Variants in TTC28 observed in about 807,000 individuals in gnomAD.
TTC28 encodes tetratricopeptide repeat protein 28.
TTC28 carries 61 observed loss-of-function variants against 198.0 expected under a neutral mutation model. The ratio of observed to expected loss-of-function variants is 0.31; its 90% CI spans 0.25 to 0.38. The LOEUF (loss-of-function observed/expected upper bound fraction) is 0.38, where lower values mean the gene tolerates loss of function less well. TTC28 is among the 10% of genes least tolerant of loss of function. The pLI is 1.00. For missense variants in TTC28, 2,678 were observed against 3,164.0 expected (o/e 0.85, Z 3.69); for synonymous variants, 1,171 against 1,297.8 (o/e 0.90, Z 2.10).
intron 2 of TTC28, among the ~76,000 whole-genome samples, chr22:28,356,461 AG>A (rs1897136816): frequency 6.6e-6 from 1 of 152,232 alleles, no homozygotes; most frequent in South Asian, 2.1e-4. Flanking sequence ...AATGAAAATG[AG>A]GGGCTTCTTG....
intron 2 of TTC28, among the ~76,000 whole-genome samples, chr22:28,314,026 A>C (rs1228606774): frequency 6.6e-6 from 1 of 152,216 alleles, no homozygotes; most frequent in Non-Finnish European, 1.5e-5. Context: ...TCAGGATACA[A>C]AACCAATGTG....
chr22:28,243,001 C>A (rs11913491), intron 5 of TTC28, among the ~76,000 whole-genome samples: 3 of 149,614 alleles, frequency 2.0e-5, no homozygotes, highest in African/African-American at 7.4e-5. Context: ...AAAAATCAAT[C>A]TGACAGAGTC....
chr22:27,996,607 G>A (rs1449392016), intron 16 of TTC28, among the ~76,000 whole-genome samples: 1 of 152,170 alleles, frequency 6.6e-6, no homozygotes, highest in Non-Finnish European at 1.5e-5. Flanking sequence ...CGTCAGGGGA[G>A]GGGAGGTGTG....
chr22:28,494,578 C>T (rs1056135552), intron 2 of TTC28, among the ~76,000 whole-genome samples: 3 of 152,130 alleles, frequency 2.0e-5, no homozygotes, highest in Non-Finnish European at 2.9e-5. Flanking sequence ...GCCTTGCTTC[C>T]TTGTTCATCC....
intron 5 of TTC28, among the ~76,000 whole-genome samples, chr22:28,182,944 C>CTT (rs1923844005): frequency 1.3e-5 from 2 of 152,046 alleles, no homozygotes; most frequent in Non-Finnish European, 2.9e-5. Context: ...TGAAGTTGGA[C>CTT]TAGGATCTAC....
chr22:28,359,043 A>G (rs1281014148), intron 2 of TTC28, among the ~76,000 whole-genome samples: 1 of 152,224 alleles, frequency 6.6e-6, no homozygotes, highest in Non-Finnish European at 1.5e-5. Context: ...TTCCTAAGAT[A>G]TCACTAGTAA....
chr22:28,283,264 T>G (rs188219854), intron 5 of TTC28, among the ~76,000 whole-genome samples: 17 of 152,254 alleles, frequency 1.1e-4, no homozygotes, highest in Admixed American at 1.0e-3. Flanking sequence ...TTTTACCTTT[T>G]AACCCACTCT....
intron 12 of TTC28, among the ~76,000 whole-genome samples, chr22:28,067,039 T>A (rs1940783211): frequency 1.3e-5 from 2 of 152,196 alleles, no homozygotes; most frequent in South Asian, 4.1e-4. Flanking sequence ...TCCACCTCTG[T>A]GTGCCTGTGG....
intron 1 of TTC28, among the ~76,000 whole-genome samples, chr22:28,635,925 G>A (rs2094253693): frequency 6.6e-6 from 1 of 151,848 alleles, no homozygotes; most frequent in African/African-American, 2.4e-5. Context: ...TATAGCTGAA[G>A]ATTTGTACCC....
chr22:28,498,556 A>G (rs1433190978), intron 2 of TTC28, among the ~76,000 whole-genome samples: 2 of 152,192 alleles, frequency 1.3e-5, no homozygotes, highest in Non-Finnish European at 2.9e-5. Context: ...TTCACTTGAA[A>G]TGATACTCAA....
chr22:28,377,245 T>C (rs890496726), intron 2 of TTC28, among the ~76,000 whole-genome samples: 3 of 142,204 alleles, frequency 2.1e-5, no homozygotes, highest in Non-Finnish European at 4.6e-5. Context: ...TAGGACATAA[T>C]ATATTCTAAA....
At chr22:28,412,683 AGTTT>A (rs2047100236) in intron 2 of TTC28, among the ~76,000 whole-genome samples, 1 of 152,186 alleles carries the variant, frequency 6.6e-6, no homozygotes, top group Admixed American at 6.5e-5. Flanking sequence ...CTGCTCTCAA[AGTTT>A]GTTAGTGTAC....
intron 2 of TTC28, among the ~76,000 whole-genome samples, chr22:28,368,016 TC>T (rs1315999945): frequency 1.8e-4 from 27 of 152,028 alleles, no homozygotes; most frequent in African/African-American, 6.3e-4. Context: ...ATCAAACTGT[TC>T]CTAAAAATAG....
chr22:28,197,894 C>A (rs190733839), intron 5 of TTC28, among the ~76,000 whole-genome samples: 3 of 152,102 alleles, frequency 2.0e-5, no homozygotes, highest in African/African-American at 7.2e-5. Flanking sequence ...ACCCATCAAA[C>A]ATATGGAAAA....
chr22:28,529,735 T>C (rs989012980), intron 2 of TTC28, among the ~76,000 whole-genome samples: 12 of 152,144 alleles, frequency 7.9e-5, no homozygotes, highest in African/African-American at 9.7e-5. Context: ...CAGCAACATT[T>C]GCCATTCTGC....
intron 7 of TTC28, 49 bp from the exon 8 acceptor site, chr22:28,105,851 A>C (rs1210178539): frequency 6.7e-7 from 1 of 1,492,272 alleles, no homozygotes; most frequent in Non-Finnish European, 8.9e-7. Context: ...ATGCAGGTGC[A>C]GACATGCTAA....
At chr22:28,604,004 G>A (rs996932298) in intron 2 of TTC28, among the ~76,000 whole-genome samples, 2 of 152,020 alleles carry the variant, frequency 1.3e-5, no homozygotes, top group Non-Finnish European at 2.9e-5. Flanking sequence ...TTGGCCGGGT[G>A]TGGTGGCACA....
intron 6 of TTC28, among the ~76,000 whole-genome samples, chr22:28,155,725 C>T (rs992167591): frequency 1.4e-4 from 22 of 152,032 alleles, no homozygotes; most frequent in African/African-American, 1.7e-4. Flanking sequence ...TTTAGGTAAA[C>T]GGTATATACA....
chr22:28,447,056 T>A (rs76057150), intron 2 of TTC28, among the ~76,000 whole-genome samples: 2,936 of 152,246 alleles, frequency 0.019, 31 homozygotes, highest in Non-Finnish European at 0.027. Flanking sequence ...AGCCAGTCAA[T>A]GGCAGCAGAA....
Sources: allele counts gnomAD v4.1 joint callset (sites outside exome capture counted in the v4.1 genomes callset), GRCh38; gene constraint gnomAD v4.1.1; transcripts MANE v1.5; gene names NCBI Gene and HGNC (gene_info 2026-07-23, HGNC 2026-07-21).